The following WWC1 variants were observed in gnomAD, a reference collection of about 807,000 sequenced individuals.
WWC1 encodes WW and C2 domain containing 1.
Under a neutral mutation model 138.4 loss-of-function variants are expected in WWC1, and 55 were observed. The observed-to-expected ratio is 0.40, with a 90% CI of 0.32 to 0.50. The LOEUF (loss-of-function observed/expected upper bound fraction) is 0.50. WWC1 is among the 20% of genes least tolerant of loss of function. The pLI is 0.72. For synonymous variants in WWC1, 524 were observed against 564.9 expected (o/e 0.93, Z 1.03); for missense variants, 1,226 against 1,420.4 (o/e 0.86, Z 2.20).
At chr5:168,323,150 A>G (rs552956564) in intron 1 of WWC1, among the ~76,000 whole-genome samples, 1 of 152,356 alleles carries the variant, frequency 6.6e-6, no homozygotes, top group East Asian at 1.9e-4. Context: ...CTAGATGAAA[A>G]TTACAACATC....
At position 168,292,557 on chromosome 5, in the gene WWC1, T is replaced by C. The variant is rs1272720847; in HGVS notation, c.119+286T>C. Reference sequence around the variant, plus strand: ...CGGCACCTGCCCGGAGTTTTGACCTTAAGCTCTAGCCCCGCCCGCCCCCTT... The same window carrying C: ...CGGCACCTGCCCGGAGTTTTGACCTCAAGCTCTAGCCCCGCCCGCCCCCTT... On this transcript the variant is annotated intron_variant, in intron 1 of 22. Coordinates refer to ENST00000265293, the MANE Select transcript of WWC1 (RefSeq NM_015238.3). The surrounding 1 kb of genome is among the most constrained non-coding windows in gnomAD (Gnocchi z 4.4). Among the ~76,000 whole-genome samples the C allele has an allele frequency of 6.6e-6, 1 of 151,798 alleles. No homozygotes were observed. Among genetic ancestry groups the C allele is most frequent in the Non-Finnish European group, 1.5e-5 (1 of 67,958 alleles).
intron 1 of WWC1, among the ~76,000 whole-genome samples, chr5:168,311,709 A>G (rs1771100738): frequency 6.6e-6 from 1 of 152,104 alleles, no homozygotes; most frequent in South Asian, 2.1e-4. Flanking sequence ...CATCTCTACT[A>G]AAAATGATAT....
At chr5:168,428,909 C>T in intron 13 of WWC1, 122 bp downstream of exon 13, 1 of 968,492 alleles carries the variant, frequency 1.0e-6, no homozygotes, top group Non-Finnish European at 1.6e-6. Flanking sequence ...CCAGCAGGAC[C>T]TGCTGGCCAT....
Position 168,414,614 on chromosome 5 carries a change from G to C in WWC1, c.1184+24G>C, listed in dbSNP as rs372957337. On this transcript the variant is annotated intron_variant, in intron 9 of 22. Transcript: ENST00000265293. The stretch of plus-strand genomic sequence containing the variant: ...AGGTGGGGCTGGGGCCCCAGGGTGT[G>C]TAGGACCCTTCTCTCACTGGCAGTC... 25 of 1,536,728 alleles carry C rather than the reference G, an allele frequency of 1.6e-5. No homozygotes were observed. In the African/African-American group the frequency reaches 3.3e-4, roughly 20 times the overall value.
rs574322401 is a variant in WWC1 at position 168,380,299 on chromosome 5, C to G, written c.230-4912C>G. On this transcript the variant is annotated intron_variant, in intron 2 of 22. Transcript: ENST00000265293. ...AGGGCAACACAGTGAGACCTCATCT[C>G]TACAAAAATAAAAATACAGAATCAG... Among the ~76,000 whole-genome samples, 6 of 152,104 alleles carry G rather than the reference C, an allele frequency of 3.9e-5. No individual in the cohort carries two copies. In the South Asian group the frequency reaches 1.0e-3, roughly 26 times the overall value.
At chr5:168,323,458 G>A (rs1186365276) in intron 1 of WWC1, among the ~76,000 whole-genome samples, 1 of 152,012 alleles carries the variant, frequency 6.6e-6, no homozygotes, top group South Asian at 2.1e-4. Flanking sequence ...GAGGCAGGAG[G>A]ATCACTTGAG....
chr5:168,454,430 C>T (rs1756116291), intron 18 of WWC1, among the ~76,000 whole-genome samples: 2 of 152,328 alleles, frequency 1.3e-5, no homozygotes, highest in African/African-American at 2.4e-5. Context: ...CTCAAGCTTC[C>T]ATTTTCTCAT....
intron 3 of WWC1, among the ~76,000 whole-genome samples, chr5:168,396,589 G>A (rs923109892): frequency 1.3e-5 from 2 of 152,116 alleles, no homozygotes; most frequent in Admixed American, 6.5e-5. Context: ...GTGGGGTTGT[G>A]TTTACCTTAA....
At chr5:168,367,430 C>T (rs1189768779) in intron 1 of WWC1, among the ~76,000 whole-genome samples, 1 of 151,830 alleles carries the variant, frequency 6.6e-6, no homozygotes, top group Non-Finnish European at 1.5e-5. Flanking sequence ...CTCCCGGGTT[C>T]ACGCCATTCT....
At chr5:168,433,547 G>GTT (rs75334138) in intron 15 of WWC1, among the ~76,000 whole-genome samples, 1 of 151,954 alleles carries the variant, frequency 6.6e-6, no homozygotes. Flanking sequence ...TGCATTATCT[G>GTT]TTTTTTTTAT....
At chr5:168,334,734 G>A (rs941275559) in intron 1 of WWC1, among the ~76,000 whole-genome samples, 1 of 152,188 alleles carries the variant, frequency 6.6e-6, no homozygotes, top group African/African-American at 2.4e-5. Context: ...TATATTTTGG[G>A]CAACTGAATG....
intron 9 of WWC1, among the ~76,000 whole-genome samples, chr5:168,418,013 A>T (rs1780785669): frequency 6.6e-6 from 1 of 151,830 alleles, no homozygotes; most frequent in Non-Finnish European, 1.5e-5. Flanking sequence ...TTTGTTTCTC[A>T]TGTGTGTGTA....
chr5:168,372,504 T>C (rs1776838263), intron 2 of WWC1, among the ~76,000 whole-genome samples: 1 of 152,210 alleles, frequency 6.6e-6, no homozygotes, highest in Admixed American at 6.5e-5. Flanking sequence ...CAAATCCTAA[T>C]AGCCTCTGTT....
At position 168,423,162 on chromosome 5, in the gene WWC1, A is replaced by AAAAAAAAAAAC. The variant is rs1561743512; in HGVS notation, c.1275-369_1275-359dup. Among the ~76,000 whole-genome samples, 103 of 108,792 alleles carry AAAAAAAAAAAC rather than the reference A, an allele frequency of 9.5e-4. 1 individual carries two copies. Among genetic ancestry groups the AAAAAAAAAAAC allele is most frequent in the Non-Finnish European group, 1.3e-3 (64 of 48,758 alleles). 71.4% of individuals were successfully genotyped at this position (108,792 alleles called of 152,430 possible). ...TCCATCCCCCCCCAAAAAAAAAAAA[A>AAAAAAAAAAAC]AAAAAAAAAACACAGTGAGTTGATT... is the stretch of plus-strand genomic sequence containing the variant. On this transcript the variant is annotated intron_variant, in intron 10 of 22. Coordinates refer to ENST00000265293, the MANE Select transcript of WWC1 (RefSeq NM_015238.3).
Position 168,447,360 on chromosome 5 carries a change from T to C in WWC1, c.2525+2775T>C, listed in dbSNP as rs1755371528. Among the ~76,000 whole-genome samples the C allele has an allele frequency of 2.0e-5, 3 of 152,228 alleles. No homozygotes were observed. In the South Asian group the frequency reaches 6.2e-4, roughly 31 times the overall value. ...GGAGAGGGCCAGATGGTAAATATTC[T>C]TTGCCTTGTGAGTCGTAAGAATTCT... is the stretch of plus-strand genomic sequence containing the variant. On this transcript the variant is annotated intron_variant, in intron 17 of 22. Coordinates refer to ENST00000265293, the MANE Select transcript of WWC1 (RefSeq NM_015238.3).
chr5:168,385,139 T>G, intron 2 of WWC1, 72 bp from the exon 3 acceptor site: 1 of 1,540,320 alleles, frequency 6.5e-7, no homozygotes, highest in Non-Finnish European at 8.9e-7. Flanking sequence ...TTTCTGCTAG[T>G]GGATACCACA....
chr5:168,303,754 G>C (rs532914013), intron 1 of WWC1, among the ~76,000 whole-genome samples: 2 of 152,128 alleles, frequency 1.3e-5, no homozygotes, highest in African/African-American at 4.8e-5. Context: ...GTTTCTCAGT[G>C]GAACTGAGCC....
Position 168,292,290 on chromosome 5 carries a change from C to T in WWC1, c.119+19C>T, listed in dbSNP as rs1409452772. The T allele has an allele frequency of 1.1e-5, 17 of 1,579,040 alleles. No homozygotes were observed. The highest frequency in any genetic ancestry group is 1.8e-5 in the Admixed American group (1 of 55,800). On this transcript the variant is annotated intron_variant, in intron 1 of 22. Transcript: ENST00000265293. This position sits in a 1 kb window ranked among gnomAD's most constrained non-coding sequence, Gnocchi z 4.4. The stretch of plus-strand genomic sequence containing the variant: ...GGGACAGGTAGGACCCTGGAACCCT[C>T]CTCCGTGCCCCCACACCCCCGCCTG...
intron 1 of WWC1, among the ~76,000 whole-genome samples, chr5:168,312,303 A>G (rs1033016296): frequency 6.6e-6 from 1 of 152,190 alleles, no homozygotes; most frequent in Non-Finnish European, 1.5e-5. Flanking sequence ...TCAACTAACC[A>G]TCATACCAAC....
Sources: gnomAD v4.1 joint callset for allele counts (sites outside exome capture counted in the v4.1 genomes callset) on GRCh38, gnomAD v4.1.1 for gene constraint, Gnocchi (gnomAD v3.1) non-coding constraint, MANE v1.5 for transcripts, NCBI Gene and HGNC (gene_info 2026-07-23, HGNC 2026-07-21) for gene names.